The following JAZF1 variants were observed in gnomAD, a reference collection of about 807,000 sequenced individuals.
The protein encoded by JAZF1 is juxtaposed with another zinc finger protein 1.
JAZF1 carries 8 observed loss-of-function variants against 26.4 expected under a neutral mutation model. That is an observed-to-expected ratio of 0.30 (90% CI 0.18 to 0.55). The LOEUF is 0.55. Ranked by LOEUF, JAZF1 falls within the 20% of genes least tolerant of loss-of-function variation. JAZF1 has a pLI of 0.94. For synonymous variants in JAZF1, 126 were observed against 122.3 expected (o/e 1.03, Z -0.20); for missense variants, 199 against 322.0 (o/e 0.62, Z 2.92).
At chr7:28,051,374 C>T (rs1040861785) in intron 1 of JAZF1, among the ~76,000 whole-genome samples, 3 of 151,788 alleles carry the variant, frequency 2.0e-5, no homozygotes, top group Non-Finnish European at 4.4e-5. Context: ...TGCACACCAC[C>T]ACGCCTGGCT....
chr7:28,125,019 GA>G (rs1782672747), intron 1 of JAZF1, among the ~76,000 whole-genome samples: 1 of 152,088 alleles, frequency 6.6e-6, no homozygotes, highest in Non-Finnish European at 1.5e-5. Context: ...ACAAACCATG[GA>G]AAGCAGAGAA....
intron 1 of JAZF1, among the ~76,000 whole-genome samples, chr7:28,052,394 T>A (rs568780139): frequency 6.6e-6 from 1 of 152,322 alleles, no homozygotes; most frequent in Admixed American, 6.5e-5. Context: ...GTTTGCTAAT[T>A]TGATAATTGA....
At chr7:28,000,974 G>A (rs1786143947) in intron 1 of JAZF1, among the ~76,000 whole-genome samples, 1 of 152,046 alleles carries the variant, frequency 6.6e-6, no homozygotes, top group Non-Finnish European at 1.5e-5. Context: ...AAAAGACATT[G>A]AATTCTTGCC....
intron 1 of JAZF1, among the ~76,000 whole-genome samples, chr7:28,151,109 AT>A: frequency 1.8e-5 from 1 of 54,734 alleles, no homozygotes; most frequent in African/African-American, 4.5e-5. Flanking sequence ...ATATATATAT[AT>A]ATTTTTTTTT....
rs187213284 is a variant in JAZF1 at position 28,046,060 on chromosome 7, T to C, written c.116-54079A>G. ...AGGTTAATTACTACAAGAACTGTGA[T>C]AGGTTTCCTTCTCTAATGTTTTCAA... On this transcript the variant is annotated intron_variant, in intron 1 of 4. Coordinates refer to ENST00000283928, the MANE Select transcript of JAZF1 (RefSeq NM_175061.4). 1.5e-3 allele frequency among the ~76,000 whole-genome samples: 228 copies of C among 152,364 alleles called. 5 individuals are homozygous for C. Among genetic ancestry groups the C allele is most frequent in the Non-Finnish European group, 3.2e-4 (22 of 68,036 alleles).
intron 1 of JAZF1, among the ~76,000 whole-genome samples, chr7:28,052,967 T>G (rs1039310888): frequency 6.6e-6 from 1 of 152,224 alleles, no homozygotes; most frequent in Non-Finnish European, 1.5e-5. Flanking sequence ...ATGGAAACTC[T>G]ATACAATTAA....
intron 2 of JAZF1, among the ~76,000 whole-genome samples, chr7:27,940,516 A>T (rs1784830946): frequency 6.6e-6 from 1 of 152,208 alleles, no homozygotes; most frequent in South Asian, 2.1e-4. Flanking sequence ...GAGAACGACT[A>T]CAGGCACAAT....
At chr7:28,082,482 G>A (rs185613345) in intron 1 of JAZF1, among the ~76,000 whole-genome samples, 80 of 152,122 alleles carry the variant, frequency 5.3e-4, no homozygotes, top group Admixed American at 1.1e-3. Flanking sequence ...CATACCACAC[G>A]GTCTTTCCTC....
intron 1 of JAZF1, among the ~76,000 whole-genome samples, chr7:28,004,652 A>AT (rs539854954): frequency 0.011 from 1,713 of 149,276 alleles, 30 homozygotes; most frequent in African/African-American, 0.039. Flanking sequence ...CAGTGAAATA[A>AT]TTTTTTTTTT....
chr7:27,943,229 C>T (rs1784875895), intron 2 of JAZF1, among the ~76,000 whole-genome samples: 1 of 152,190 alleles, frequency 6.6e-6, no homozygotes, highest in Non-Finnish European at 1.5e-5. Flanking sequence ...ACATCCCCTA[C>T]ATCCGGACTG....
At chr7:28,081,061 A>T (rs1214860526) in intron 1 of JAZF1, among the ~76,000 whole-genome samples, 3 of 152,158 alleles carry the variant, frequency 2.0e-5, no homozygotes, top group Admixed American at 6.5e-5. Context: ...TTAGAGGAAA[A>T]GTCAAGAAAA....
Position 28,081,951 on chromosome 7 carries a change from T to C in JAZF1, c.116-89970A>G, listed in dbSNP as rs111920757. ...GATACTAGAGTTTAATAACCATTTA[T>C]AGAATAAATCAATGACTGACAGTAA... On this transcript the variant is annotated intron_variant, in intron 1 of 4. Transcript: ENST00000283928. Among the ~76,000 whole-genome samples, 579 of 152,342 alleles carry C rather than the reference T, an allele frequency of 3.8e-3. 3 individuals are homozygous for C. Among genetic ancestry groups the C allele is most frequent in the Middle Eastern group, 0.02 (6 of 294 alleles).
intron 1 of JAZF1, among the ~76,000 whole-genome samples, chr7:28,173,979 A>G (rs910643043): frequency 2.6e-5 from 4 of 152,070 alleles, no homozygotes; most frequent in African/African-American, 9.7e-5. Context: ...CAGCAATTAA[A>G]TATATTAAAT....
At chr7:28,161,965 A>C (rs1783299397) in intron 1 of JAZF1, among the ~76,000 whole-genome samples, 1 of 152,160 alleles carries the variant, frequency 6.6e-6, no homozygotes, top group Admixed American at 6.5e-5. Context: ...TCAAATGAGA[A>C]AATGCATTCA....
chr7:28,127,451 G>A (rs999161933), intron 1 of JAZF1, among the ~76,000 whole-genome samples: 5 of 152,100 alleles, frequency 3.3e-5, no homozygotes, highest in Admixed American at 3.3e-4. Flanking sequence ...GAGTTGTGAT[G>A]CCTGACTGGA....
intron 3 of JAZF1, among the ~76,000 whole-genome samples, chr7:27,853,553 G>C (rs900380826): frequency 6.6e-6 from 1 of 152,194 alleles, no homozygotes; most frequent in African/African-American, 2.4e-5. Context: ...ACCCTGAACT[G>C]AAATAAGCGG....
chr7:27,887,812 C>T (rs1227488449), intron 3 of JAZF1, among the ~76,000 whole-genome samples: 2 of 152,100 alleles, frequency 1.3e-5, no homozygotes, highest in Non-Finnish European at 2.9e-5. Context: ...ATCCTATTTC[C>T]TTGTTGCCAT....
chr7:27,947,827 A>T (rs1464745780), intron 2 of JAZF1, among the ~76,000 whole-genome samples: 1 of 152,094 alleles, frequency 6.6e-6, no homozygotes, highest in Non-Finnish European at 1.5e-5. Flanking sequence ...TGCTCACAGC[A>T]CCCTTGGCCA....
At chr7:27,976,492 G>C (rs1785475173) in intron 2 of JAZF1, among the ~76,000 whole-genome samples, 1 of 151,990 alleles carries the variant, frequency 6.6e-6, no homozygotes, top group Non-Finnish European at 1.5e-5. Context: ...TATAGGCTAA[G>C]AAAACGGTAG....
Sources: gnomAD v4.1 joint callset for allele counts (sites outside exome capture counted in the v4.1 genomes callset) on GRCh38, gnomAD v4.1.1 for gene constraint, MANE v1.5 for transcripts, NCBI Gene and HGNC (gene_info 2026-07-23, HGNC 2026-07-21) for gene names.